Variants in LCORL observed in about 807,000 individuals in gnomAD.
The protein encoded by LCORL is ligand-dependent nuclear receptor corepressor-like protein.
Under a neutral mutation model 141.8 loss-of-function variants are expected in LCORL, and 41 were observed. The observed-to-expected ratio is 0.29, with a 90% CI of 0.23 to 0.38. LCORL has a LOEUF of 0.38. LCORL is among the 10% of genes least tolerant of loss of function. The pLI is 1.00. For missense variants in LCORL, 1,759 were observed against 2,035.0 expected, an observed-to-expected ratio of 0.86 and a Z score of 2.61; for synonymous variants, 618 against 694.1, an observed-to-expected ratio of 0.89 and a Z score of 1.72.
At chr4:18,019,684 C>T (rs73100947) in intron 1 of LCORL, among the ~76,000 whole-genome samples, 36,942 of 117,588 alleles carry the variant, frequency 0.31, 5,848 homozygotes, top group African/African-American at 0.46. Context: ...AGCAAGAAGA[C>T]CAGAAAAAAA....
chr4:18,008,703 G>T (rs374269511), intron 1 of LCORL, among the ~76,000 whole-genome samples: 1 of 151,950 alleles, frequency 6.6e-6, no homozygotes, highest in African/African-American at 2.4e-5. Context: ...CCTAACACAC[G>T]GTAAGCACTC....
chr4:17,882,055 TCA>T, intron 6 of LCORL: 1 of 984,134 alleles, frequency 1.0e-6, no homozygotes. Context: ...AGTATAGATC[TCA>T]GAGACCAAAT....
At chr4:17,961,905 T>G (rs886108260) in exon 4 of LCORL, 1 of 1,607,186 alleles carries the variant, frequency 6.2e-7, no homozygotes, top group Non-Finnish European at 8.5e-7. Flanking sequence ...AATATTACCT[T>G]TCTTTCGAAA....
chr4:17,861,776 G>A (rs1054085792), intron 7 of LCORL, among the ~76,000 whole-genome samples: 8 of 151,950 alleles, frequency 5.3e-5, no homozygotes, highest in African/African-American at 1.7e-4. Flanking sequence ...AATTTCTTCC[G>A]CCATATACCC....
chr4:17,916,794 G>T (rs184452713), intron 4 of LCORL, among the ~76,000 whole-genome samples: 146 of 152,016 alleles, frequency 9.6e-4, no homozygotes, highest in Non-Finnish European at 1.8e-3. Flanking sequence ...ACAGGCATGT[G>T]CCACCAAGCC....
intron 4 of LCORL, among the ~76,000 whole-genome samples, chr4:17,954,054 A>G (rs1178333523): frequency 6.6e-6 from 1 of 152,002 alleles, no homozygotes; most frequent in Non-Finnish European, 1.5e-5. Context: ...TCCCAGCTAC[A>G]GGGGAGGCTG....
intron 5 of LCORL, among the ~76,000 whole-genome samples, chr4:17,887,661 T>C (rs1380939028): frequency 1.3e-5 from 2 of 152,142 alleles, no homozygotes; most frequent in Non-Finnish European, 2.9e-5. Flanking sequence ...CATTGGGCCA[T>C]GGCAAGAACT....
intron 6 of LCORL, chr4:17,883,293 AG>A (rs748938926): frequency 1.0e-6 from 1 of 990,478 alleles, no homozygotes; most frequent in Non-Finnish European, 1.2e-6. Context: ...TCTGTTGTAT[AG>A]AATGTTTATA....
intron 4 of LCORL, among the ~76,000 whole-genome samples, chr4:17,941,544 T>C (rs1343373043): frequency 6.6e-6 from 1 of 152,066 alleles, no homozygotes; most frequent in Non-Finnish European, 1.5e-5. Flanking sequence ...TCCACTCCCA[T>C]CCTGCTTCAT....
At chr4:17,914,002 T>A (rs1267631642) in intron 4 of LCORL, among the ~76,000 whole-genome samples, 1 of 152,236 alleles carries the variant, frequency 6.6e-6, no homozygotes, top group Non-Finnish European at 1.5e-5. Flanking sequence ...AGTCCCCTCA[T>A]ATTTGTTAAC....
At chr4:17,960,803 T>G (rs1430081855) in intron 4 of LCORL, among the ~76,000 whole-genome samples, 1 of 152,078 alleles carries the variant, frequency 6.6e-6, no homozygotes, top group Non-Finnish European at 1.5e-5. Flanking sequence ...AAAGATTTGA[T>G]TTTTAAAGAT....
At chr4:17,857,467 C>T (rs1332915339) in intron 7 of LCORL, among the ~76,000 whole-genome samples, 3 of 152,052 alleles carry the variant, frequency 2.0e-5, no homozygotes, top group African/African-American at 4.8e-5. Flanking sequence ...TGGTAAAGTC[C>T]GCAGGTGGGT....
intron 7 of LCORL, among the ~76,000 whole-genome samples, chr4:17,848,658 G>T (rs1363359347): frequency 6.6e-6 from 1 of 152,276 alleles, no homozygotes; most frequent in Non-Finnish European, 1.5e-5. Context: ...CATCTCACTA[G>T]GGAGTGCCAG....
intron 1 of LCORL, among the ~76,000 whole-genome samples, chr4:18,017,140 T>C (rs1404026518): frequency 6.6e-6 from 1 of 152,084 alleles, no homozygotes; most frequent in Non-Finnish European, 1.5e-5. Context: ...TGAATCAAAA[T>C]AATGACAGCA....
In LCORL at chr4:17,845,807, G is replaced by C. The variant is rs755285785; in HGVS notation, c.*81C>G. The C allele has an allele frequency of 1.4e-5, 22 of 1,613,220 alleles. No individual in the cohort carries two copies. The East Asian group carries it at 4.2e-4, about 31-fold the overall frequency. On this transcript the variant is annotated 3_prime_UTR_variant, in exon 8 of 8. Transcript: ENST00000635767. Reference sequence around the variant, plus strand: ...GTCAAATTCAGATTCCATTCAATGGGACGATTAAGGCACATCTTAATGGGG... The same window carrying C: ...GTCAAATTCAGATTCCATTCAATGGCACGATTAAGGCACATCTTAATGGGG...
chr4:17,888,371 T>C (rs145737743), intron 5 of LCORL, among the ~76,000 whole-genome samples: 42 of 152,240 alleles, frequency 2.8e-4, no homozygotes, highest in African/African-American at 1.0e-3. Flanking sequence ...TTAAGCTTAG[T>C]CTCCAACTCA....
At chr4:17,988,030 G>A (rs770365907) in intron 1 of LCORL, among the ~76,000 whole-genome samples, 2 of 152,158 alleles carry the variant, frequency 1.3e-5, no homozygotes, top group Non-Finnish European at 2.9e-5. Flanking sequence ...GGACCTGGTG[G>A]AAGATGACTG....
At chr4:17,881,639 G>C in intron 6 of LCORL, 1 of 972,014 alleles carries the variant, frequency 1.0e-6, no homozygotes, top group Non-Finnish European at 1.2e-6. Context: ...TCTTTTAAAT[G>C]ATACAAAAGT....
intron 4 of LCORL, among the ~76,000 whole-genome samples, chr4:17,910,245 C>T (rs575358493): frequency 1.3e-3 from 199 of 152,226 alleles, no homozygotes; most frequent in Non-Finnish European, 1.4e-3. Context: ...TGCACAATAG[C>T]GATACAGAGA....
Sources: allele counts gnomAD v4.1 joint callset (sites outside exome capture counted in the v4.1 genomes callset), GRCh38; gene constraint gnomAD v4.1.1; transcripts MANE v1.5; gene names NCBI Gene and HGNC (gene_info 2026-07-23, HGNC 2026-07-21).